The following ESRRA variants were observed in gnomAD, a reference collection of about 807,000 sequenced individuals.
ESRRA encodes the protein estrogen related receptor alpha.
In ESRRA, 7 loss-of-function variants were observed where a neutral mutation model predicts 35.6. The ratio of observed to expected loss-of-function variants is 0.20; its 90% confidence interval spans 0.11 to 0.37. The LOEUF is 0.37. ESRRA is among the 10% of genes least tolerant of loss of function. The probability of loss-of-function intolerance (pLI) is 1.00; values close to 1 mark genes in which losing one functional copy is unlikely to be tolerated. For missense variants in ESRRA, 378 were observed against 561.7 expected (o/e 0.67, Z 3.31); for synonymous variants, 223 against 246.9 (o/e 0.90, Z 0.91).
rs1393814419 is a variant in ESRRA at position 64,315,692 on chromosome 11, CCT to C, written c.1013-10_1013-9del. On this transcript the variant is annotated splice_polypyrimidine_tract_variant and intron_variant, in intron 6 of 6. Transcript: ENST00000000442. ...AGATAGCCCAGGCCAACACCACATT[CCT>C]CTCTTCTTGCAGACTCTGTGCACAT... The C allele has an allele frequency of 1.1e-5, 17 of 1,612,850 alleles. No homozygotes were observed. The highest frequency in any genetic ancestry group is 1.4e-5 in the Non-Finnish European group (16 of 1,179,224).
intron 2 of ESRRA, among the ~76,000 whole-genome samples, chr11:64,309,626 C>T (rs1184497107): frequency 2.9e-5 from 4 of 140,212 alleles, no homozygotes; most frequent in Non-Finnish European, 4.6e-5. Context: ...GGCTATAACA[C>T]GTATAATTAA....
At chr11:64,306,333 C>T (rs1418960833) in intron 1 of ESRRA, 2 of 152,316 alleles carry the variant, frequency 1.3e-5, no homozygotes, top group African/African-American at 2.4e-5. Flanking sequence ...AGGTGGCGGC[C>T]TCTGCGACAG....
intron 2 of ESRRA, among the ~76,000 whole-genome samples, chr11:64,311,407 A>T (rs1485139814): frequency 7.5e-6 from 1 of 133,978 alleles, no homozygotes; most frequent in East Asian, 2.2e-4. Flanking sequence ...GAGGCTCCAG[A>T]GGGCTTGTCT....
Position 64,315,231 on chromosome 11 carries a change from G to A in ESRRA, c.973G>A (p.Glu325Lys). 1 of 1,600,264 alleles carries A rather than the reference G, an allele frequency of 6.2e-7. No homozygotes were observed. Among genetic ancestry groups the A allele is most frequent in the South Asian group, 1.1e-5 (1 of 88,864 alleles). ...GCAGGCCCTGCGGCTGGAGCGAGAG[G>A]AGTATGTTCTACTAAAGGCCTTGGC... ...RLQALRLERE[E>K]YVLLKALALA... Residue 325 changes from glutamate (E) to lysine (K), a missense_variant, in exon 6 of 7, where the codon GAG (glutamate) becomes AAG (lysine). Physicochemically the swap from Glu to Lys is moderately conservative, Grantham distance 56. Around this residue, in one of 4 missense-constraint regions of ESRRA, gnomAD observed 284 missense variants for 411.7 expected, o/e 0.69. Transcript: ENST00000000442.
chr11:64,314,853 CTG>C lies in ESRRA; in HGVS notation c.687_688del (p.Cys229Ter). ...GGCACCTCCCAGCCGTGGCTACCCT[CTG>C]TGACCTCTTTGACCGAGAGATTGTG... ...DGHLPAVATLCDLFDREIVVT... is the reference protein window; with the variant it reads ...DGHLPAVATLXDLFDREIVVT... On this transcript the variant is annotated frameshift_variant, in exon 5 of 7. Coordinates refer to ENST00000000442, the MANE Select transcript of ESRRA (RefSeq NM_004451.5). LOFTEE classifies it high-confidence loss of function. The C allele has an allele frequency of 1.2e-6, 2 of 1,612,554 alleles. No individual in the cohort carries two copies. Among genetic ancestry groups the C allele is most frequent in the Non-Finnish European group, 8.5e-7 (1 of 1,180,030 alleles).
At chr11:64,314,494 G>A in intron 4 of ESRRA, 127 bp downstream of exon 4, 7 of 1,223,064 alleles carry the variant, frequency 5.7e-6, no homozygotes, top group Non-Finnish European at 7.8e-6. Context: ...CAAGACATGT[G>A]AAACTGCCTT....
chr11:64,312,905 T>G (rs949341961), intron 2 of ESRRA, among the ~76,000 whole-genome samples: 1 of 150,912 alleles, frequency 6.6e-6, no homozygotes, highest in Non-Finnish European at 1.5e-5. Flanking sequence ...GAGCAAGGAG[T>G]AGAGGTCAAA....
chr11:64,314,450 A>G (rs913421178), intron 4 of ESRRA, 83 bp downstream of exon 4: 143 of 1,414,338 alleles, frequency 1.0e-4, no homozygotes, highest in Non-Finnish European at 1.3e-4. Context: ...TGGGACCTGT[A>G]TTTCCCCTTC....
In ESRRA at chr11:64,316,221, G is replaced by T; in HGVS notation, c.*255G>T. 2.3e-6 allele frequency: 1 copy of T among 440,748 alleles called. No homozygotes were observed. Among genetic ancestry groups the T allele is most frequent in the Admixed American group, 4.0e-5 (1 of 25,250 alleles). The allele number at this position is 440,748 out of a possible 1,614,324, so 27.3% of individuals were successfully genotyped here. On this transcript the variant is annotated 3_prime_UTR_variant, in exon 7 of 7. Transcript: ENST00000000442. ...GCCATAACGTGCCCCCAGAGTGTAG[G>T]GGGCCTTGCGGAAGCCATAGGGGGC... is the stretch of plus-strand genomic sequence containing the variant.
intron 2 of ESRRA, among the ~76,000 whole-genome samples, chr11:64,311,819 A>G (rs1389968686): frequency 6.6e-6 from 1 of 151,060 alleles, no homozygotes; most frequent in Non-Finnish European, 1.5e-5. Flanking sequence ...CAGCCTCCCG[A>G]GTAGCTGGGA....
rs1239474197 is a variant in ESRRA at position 64,316,713 on chromosome 11, A to AG, written c.*748dup. ...CGCTTTTGGTTTTAAACCTTTAATGAGAAAAAAATATATAATACCGAGCTC... is the reference window on the plus strand; with the variant it reads ...CGCTTTTGGTTTTAAACCTTTAATGAGGAAAAAAATATATAATACCGAGCTC... On this transcript the variant is annotated 3_prime_UTR_variant, in exon 7 of 7. Coordinates refer to ENST00000000442, the MANE Select transcript of ESRRA (RefSeq NM_004451.5). 7 of 629,356 alleles carry AG rather than the reference A, an allele frequency of 1.1e-5. No individual in the cohort carries two copies. In the East Asian group the frequency reaches 1.9e-4, roughly 17 times the overall value. 39.0% of individuals were successfully genotyped at this position (629,356 alleles called of 1,614,324 possible).
In ESRRA at chr11:64,305,854, C is replaced by A. The variant is rs41294376; in HGVS notation, c.-13+118C>A. The stretch of plus-strand genomic sequence containing the variant: ...TGCAGGCGGGGTCCGACTCTGGGGC[C>A]AGTCCGGGCCACGGTTGGGACCCAG... On this transcript the variant is annotated intron_variant, in intron 1 of 6. Transcript: ENST00000000442. The surrounding 1 kb of genome is among the most constrained non-coding windows in gnomAD (Gnocchi z 5.8). The A allele has an allele frequency of 0.091, 13,882 of 151,852 alleles. 1,824 individuals are homozygous for A. The highest frequency in any genetic ancestry group is 0.29 in the African/African-American group (11,867 of 41,362). 9.4% of individuals were successfully genotyped at this position (151,852 alleles called of 1,614,324 possible).
At position 64,305,714 on chromosome 11, in the gene ESRRA, C is replaced by G. The variant is rs1360600540; in HGVS notation, c.-35C>G. The G allele has an allele frequency of 1.3e-5, 2 of 149,038 alleles. No homozygotes were observed. The highest frequency in any genetic ancestry group is 6.7e-5 in the Admixed American group (1 of 15,012). The allele number at this position is 149,038 out of a possible 1,614,324, so 9.2% of individuals were successfully genotyped here. ...GGGCCGCTCGGCCCCCATGCCTGCCCGACCGCGCTGCCGGAGCCCCAGGTC... is the reference window on the plus strand; with the variant it reads ...GGGCCGCTCGGCCCCCATGCCTGCCGGACCGCGCTGCCGGAGCCCCAGGTC... On this transcript the variant is annotated 5_prime_UTR_variant, in exon 1 of 7. Transcript: ENST00000000442. This position sits in a 1 kb window ranked among gnomAD's most constrained non-coding sequence, Gnocchi z 5.8.
At chr11:64,311,255 G>T (rs1394370166) in intron 2 of ESRRA, among the ~76,000 whole-genome samples, 2 of 152,218 alleles carry the variant, frequency 1.3e-5, no homozygotes, top group African/African-American at 4.8e-5. Context: ...AGGCCTTGGG[G>T]ACATAGCTGG....
intron 1 of ESRRA, chr11:64,306,791 C>G (rs975086139): frequency 9.1e-5 from 16 of 175,566 alleles, no homozygotes; most frequent in African/African-American, 3.3e-4. Flanking sequence ...TCTCAGAGGT[C>G]CCCCCAACAT....
chr11:64,314,415 G>A (rs536135222), intron 4 of ESRRA, 48 bp downstream of exon 4: 2 of 1,493,952 alleles, frequency 1.3e-6, no homozygotes, highest in African/African-American at 1.4e-5. Context: ...AGGCCTATGT[G>A]TGGCATCATA....
chr11:64,307,701 G>A (rs1248116812), intron 2 of ESRRA, among the ~76,000 whole-genome samples, 197 bp downstream of exon 2: 1 of 152,234 alleles, frequency 6.6e-6, no homozygotes, highest in Non-Finnish European at 1.5e-5. Context: ...TGCAGTGGAT[G>A]TGAGTGAGTT....
At position 64,316,083 on chromosome 11, in the gene ESRRA, G is replaced by C. The variant is rs938625994; in HGVS notation, c.*117G>C. 2 of 1,259,180 alleles carry C rather than the reference G, an allele frequency of 1.6e-6. No individual in the cohort carries two copies. The highest frequency in any genetic ancestry group is 2.2e-6 in the Non-Finnish European group (2 of 910,430). 78.0% of individuals were successfully genotyped at this position (1,259,180 alleles called of 1,614,324 possible). On this transcript the variant is annotated 3_prime_UTR_variant, in exon 7 of 7. Coordinates refer to ENST00000000442, the MANE Select transcript of ESRRA (RefSeq NM_004451.5). ...GCCACAGCCTGCTGGCAGGGCCAGG[G>C]CAATGCCATCAGCCCCTGGGAACAG...
At chr11:64,307,629 T>C in intron 2 of ESRRA, 125 bp downstream of exon 2, 1 of 662,404 alleles carries the variant, frequency 1.5e-6, no homozygotes, top group Non-Finnish European at 2.3e-6. Context: ...CCAGTCCCTC[T>C]ACCTCCCAGA....
Sources: allele counts gnomAD v4.1 joint callset (sites outside exome capture counted in the v4.1 genomes callset), GRCh38; gene constraint gnomAD v4.1.1; regional missense constraint gnomAD v4.1.1; non-coding constraint Gnocchi (gnomAD v3.1); transcripts MANE v1.5; gene names NCBI Gene and HGNC (gene_info 2026-07-23, HGNC 2026-07-21).